The following CNTN4 variants were observed in gnomAD, a reference collection of about 807,000 sequenced individuals.
CNTN4 encodes the protein contactin 4.
A neutral mutation model predicts 122.5 loss-of-function variants in CNTN4; 77 were observed. The ratio of observed to expected loss-of-function variants is 0.63; its 90% CI spans 0.52 to 0.76. The LOEUF (loss-of-function observed/expected upper bound fraction) is 0.76. CNTN4 is among the 30% of genes least tolerant of loss of function. The pLI, the probability that CNTN4 is intolerant of heterozygous loss-of-function variation, is 0.00. For synonymous variants in CNTN4, 512 were observed against 447.0 expected, an observed-to-expected ratio of 1.15 and a Z score of -1.83; for missense variants, 1,256 against 1,259.1, an observed-to-expected ratio of 1.00 and a Z score of 0.04.
chr3:2,647,838 T>C (rs532556851), intron 4 of CNTN4, among the ~76,000 whole-genome samples: 1 of 152,374 alleles, frequency 6.6e-6, no homozygotes, highest in Non-Finnish European at 1.5e-5. Context: ...TTCTATTTTA[T>C]GGTCATTGTT....
At chr3:2,445,059 C>G (rs1361915962) in intron 3 of CNTN4, among the ~76,000 whole-genome samples, 1 of 151,530 alleles carries the variant, frequency 6.6e-6, no homozygotes, top group Non-Finnish European at 1.5e-5. Flanking sequence ...GGCTCGACAG[C>G]TTGAACGTGA....
At chr3:2,347,440 C>G (rs1310165946) in intron 3 of CNTN4, among the ~76,000 whole-genome samples, 31 of 104,566 alleles carry the variant, frequency 3.0e-4, no homozygotes, top group Non-Finnish European at 5.0e-4. Flanking sequence ...GAGACATAAT[C>G]TCGCTGTCGC....
rs536964564 is a variant in CNTN4, at chr3:2,272,317, A to G, written c.-144-66861A>G. ...TTTTTAACAAAAATTTACTCCACAT[A>G]TTTATTTATGAATTTTTATATGCAC... On this transcript the variant is annotated intron_variant, in intron 2 of 24. Transcript: ENST00000418658. Among the ~76,000 whole-genome samples, 11 of 152,218 alleles carry G rather than the reference A, an allele frequency of 7.2e-5. No homozygotes were observed. The South Asian group carries it at 1.5e-3, about 20-fold the overall frequency.
rs77901853 is a variant in CNTN4 at position 2,869,672 on chromosome 3, T to G, written c.652+2723T>G. Among the ~76,000 whole-genome samples the G allele has an allele frequency of 9.1e-3, 1,388 of 152,338 alleles. 19 individuals carry two copies. Among genetic ancestry groups the G allele is most frequent in the African/African-American group, 0.031 (1,278 of 41,572 alleles). ...ATCTGGTATATTCATATTTGTCCGC[T>G]TGCCTTCCCCACCTTGCTCACATTA... On this transcript the variant is annotated intron_variant, in intron 8 of 24. Transcript: ENST00000418658.
chr3:2,668,389 T>A (rs1032308443), intron 4 of CNTN4, among the ~76,000 whole-genome samples: 3 of 151,988 alleles, frequency 2.0e-5, no homozygotes, highest in Admixed American at 6.5e-5. Context: ...TTTGGCTCTC[T>A]GTTTGTCTGT....
chr3:2,584,108 A>G (rs1416170051), intron 4 of CNTN4, among the ~76,000 whole-genome samples: 1 of 152,232 alleles, frequency 6.6e-6, no homozygotes, highest in African/African-American at 2.4e-5. Context: ...TAACTGCCCT[A>G]TAGTCAGCAC....
chr3:2,902,066 G>A (rs1026923310), intron 11 of CNTN4, among the ~76,000 whole-genome samples: 1 of 152,042 alleles, frequency 6.6e-6, no homozygotes, highest in African/African-American at 2.4e-5. Context: ...TAATGTGAGG[G>A]AACATGAATA....
At chr3:2,365,853 AGTCT>A in intron 3 of CNTN4, among the ~76,000 whole-genome samples, 1 of 152,338 alleles carries the variant, frequency 6.6e-6, no homozygotes, top group East Asian at 1.9e-4. Context: ...AAAACACAGA[AGTCT>A]GTCTATGTTG....
chr3:2,332,443 G>T (rs2150305697), intron 2 of CNTN4, among the ~76,000 whole-genome samples: 1 of 152,112 alleles, frequency 6.6e-6, no homozygotes, highest in East Asian at 1.9e-4. Context: ...ACTCTGAGAA[G>T]AGTTTTTATT....
At chr3:2,795,751 A>T (rs1476145292) in intron 6 of CNTN4, among the ~76,000 whole-genome samples, 1 of 151,774 alleles carries the variant, frequency 6.6e-6, no homozygotes, top group Non-Finnish European at 1.5e-5. Flanking sequence ...CGATCTCCTG[A>T]CCTGGTGATC....
At chr3:2,893,024 A>T (rs1239111342) in intron 10 of CNTN4, among the ~76,000 whole-genome samples, 1 of 152,184 alleles carries the variant, frequency 6.6e-6, no homozygotes. Flanking sequence ...AATCATCCGG[A>T]TACTCTTTCT....
chr3:2,386,898 G>A (rs528916631), intron 3 of CNTN4, among the ~76,000 whole-genome samples: 6 of 152,134 alleles, frequency 3.9e-5, no homozygotes, highest in South Asian at 2.1e-4. Context: ...GCAACTAAGC[G>A]CATTCAATTT....
At chr3:2,747,479 TAA>T (rs66741843) in intron 6 of CNTN4, among the ~76,000 whole-genome samples, 111 of 149,384 alleles carry the variant, frequency 7.4e-4, no homozygotes, top group South Asian at 1.3e-3. Context: ...AGCTTACATT[TAA>T]AAAAAAAAAA....
At chr3:2,259,888 A>G (rs1474768868) in intron 2 of CNTN4, among the ~76,000 whole-genome samples, 4 of 151,684 alleles carry the variant, frequency 2.6e-5, no homozygotes, top group African/African-American at 9.8e-5. Context: ...TTGTGGGAAG[A>G]GCAGATAGTT....
chr3:2,764,221 A>G (rs1467249528), intron 6 of CNTN4, among the ~76,000 whole-genome samples: 1 of 152,202 alleles, frequency 6.6e-6, no homozygotes, highest in African/African-American at 2.4e-5. Context: ...TAATCACACT[A>G]GAAATATGTG....
chr3:2,954,951 C>A (rs974938666), intron 13 of CNTN4, among the ~76,000 whole-genome samples: 4 of 152,070 alleles, frequency 2.6e-5, no homozygotes, highest in African/African-American at 9.7e-5. Context: ...ATTCCCTACG[C>A]CCTGCCCCCT....
chr3:2,625,618 A>G (rs1006882453), intron 4 of CNTN4, among the ~76,000 whole-genome samples: 1 of 152,054 alleles, frequency 6.6e-6, no homozygotes, highest in Non-Finnish European at 1.5e-5. Context: ...TGCTTCTTTC[A>G]CTCAGCTTAA....
intron 4 of CNTN4, among the ~76,000 whole-genome samples, chr3:2,695,322 C>T (rs1407735803): frequency 1.3e-5 from 2 of 152,190 alleles, no homozygotes; most frequent in East Asian, 3.8e-4. Context: ...TTCCAGCCAG[C>T]CCTATTTCTG....
chr3:2,762,394 C>A (rs552315959), intron 6 of CNTN4, among the ~76,000 whole-genome samples: 1 of 152,268 alleles, frequency 6.6e-6, no homozygotes, highest in South Asian at 2.1e-4. Context: ...GTCCCAGTAT[C>A]TGTTGTTCCC....
Sources: gnomAD v4.1 joint callset for allele counts (sites outside exome capture counted in the v4.1 genomes callset) on GRCh38, gnomAD v4.1.1 for gene constraint, MANE v1.5 for transcripts, NCBI Gene and HGNC (gene_info 2026-07-23, HGNC 2026-07-21) for gene names.